Variants in SMCO4 observed in about 807,000 individuals in gnomAD.
SMCO4 encodes single-pass membrane and coiled-coil domain-containing protein 4.
A neutral mutation model predicts 3.6 loss-of-function variants in SMCO4; 4 were observed. The observed-to-expected ratio is 1.11, with a 90% CI of 0.54 to 2.53. SMCO4 has a LOEUF of 2.53. SMCO4 is among the 30% of genes most tolerant of loss of function. SMCO4 has a pLI of 0.02. For synonymous variants in SMCO4, 36 were observed against 35.3 expected, an observed-to-expected ratio of 1.02 and a Z score of -0.07; for missense variants, 70 against 80.8, an observed-to-expected ratio of 0.87 and a Z score of 0.51.
chr11:93,507,877 T>A (rs980892413), intron 1 of SMCO4, among the ~76,000 whole-genome samples: 6 of 152,300 alleles, frequency 3.9e-5, no homozygotes, highest in Admixed American at 3.9e-4. Flanking sequence ...TTTATGAGAC[T>A]CCAGCTGTCT....
At chr11:93,534,258 A>G (rs191270628) in intron 1 of SMCO4, among the ~76,000 whole-genome samples, 4,488 of 145,552 alleles carry the variant, frequency 0.031, 173 homozygotes, top group African/African-American at 0.062. Flanking sequence ...ACACACACAC[A>G]CACAAACACA....
chr11:93,538,216 C>A (rs1949244461), intron 1 of SMCO4, among the ~76,000 whole-genome samples: 1 of 152,224 alleles, frequency 6.6e-6, no homozygotes, highest in Admixed American at 6.5e-5. Flanking sequence ...GCAGAGACTG[C>A]ACCCGTCAGA....
At chr11:93,550,723 G>A in the SMCO4 span, among the ~76,000 whole-genome samples, 1 of 152,080 alleles carries the variant, frequency 6.6e-6, no homozygotes, top group East Asian at 1.9e-4. Context: ...ATGTGGCAGA[G>A]AAGAAAAAAC....
chr11:93,535,382 G>GA (rs536668795), intron 1 of SMCO4: 1 of 788,154 alleles, frequency 1.3e-6, no homozygotes, highest in Non-Finnish European at 2.0e-6. Context: ...TAACATCTAC[G>GA]ATCTCAGCAA....
At chr11:93,488,711 C>T (rs545908667) in intron 2 of SMCO4, among the ~76,000 whole-genome samples, 16 of 152,226 alleles carry the variant, frequency 1.1e-4, no homozygotes, top group Admixed American at 2.6e-4. Context: ...GAAAAGGCAG[C>T]TGGAGGCATG....
At chr11:93,519,981 G>C (rs542625600) in intron 1 of SMCO4, among the ~76,000 whole-genome samples, 1 of 152,104 alleles carries the variant, frequency 6.6e-6, no homozygotes, top group Non-Finnish European at 1.5e-5. Context: ...GCTACACTAC[G>C]AACATAAAAT....
At chr11:93,553,114 T>C in the SMCO4 span, among the ~76,000 whole-genome samples, 5 of 152,200 alleles carry the variant, frequency 3.3e-5, no homozygotes, top group Non-Finnish European at 5.9e-5. Context: ...GGTTCCAAAG[T>C]CCATTTCTGT....
chr11:93,548,528 G>A, the SMCO4 span, among the ~76,000 whole-genome samples: 1 of 152,010 alleles, frequency 6.6e-6, no homozygotes, highest in South Asian at 2.1e-4. Context: ...TACCTACTTG[G>A]CAGTCATTTA....
intron 2 of SMCO4, among the ~76,000 whole-genome samples, chr11:93,492,439 G>A (rs969545071): frequency 1.3e-5 from 2 of 152,212 alleles, no homozygotes; most frequent in African/African-American, 2.4e-5. Context: ...CTGGTCTCAT[G>A]GAATTCACAG....
intron 1 of SMCO4, among the ~76,000 whole-genome samples, chr11:93,538,475 C>A (rs1949246654): frequency 6.6e-6 from 1 of 152,196 alleles, no homozygotes; most frequent in Admixed American, 6.5e-5. Flanking sequence ...TAGCATTTCC[C>A]AAAATGCAGT....
chr11:93,549,592 G>A, the SMCO4 span, among the ~76,000 whole-genome samples: 1 of 150,974 alleles, frequency 6.6e-6, no homozygotes, highest in Non-Finnish European at 1.5e-5. Flanking sequence ...TGGACCACAG[G>A]CATGCACCAC....
At chr11:93,551,071 G>A in the SMCO4 span, among the ~76,000 whole-genome samples, 1 of 152,168 alleles carries the variant, frequency 6.6e-6, no homozygotes, top group Non-Finnish European at 1.5e-5. Flanking sequence ...CCTAGTACAT[G>A]CAGGCAATTT....
intron 1 of SMCO4, among the ~76,000 whole-genome samples, chr11:93,513,047 T>C (rs1429784283): frequency 6.6e-6 from 1 of 152,322 alleles, no homozygotes; most frequent in South Asian, 2.1e-4. Context: ...CCAGACTTTA[T>C]ACTATCCTAA....
upstream of SMCO4, among the ~76,000 whole-genome samples, chr11:93,544,636 CT>C (rs1013130481): frequency 4.6e-5 from 7 of 150,974 alleles, no homozygotes; most frequent in Non-Finnish European, 1.0e-4. Flanking sequence ...CAACTTAAGG[CT>C]TTTTTTTTCA....
intron 1 of SMCO4, among the ~76,000 whole-genome samples, chr11:93,542,103 T>C (rs1380510698): frequency 3.6e-5 from 2 of 55,354 alleles, no homozygotes; most frequent in Non-Finnish European, 7.5e-5. Context: ...ACAAAGTTTA[T>C]TTGTAAAGGG....
chr11:93,533,524 T>C (rs189584145), intron 1 of SMCO4, among the ~76,000 whole-genome samples: 1 of 152,236 alleles, frequency 6.6e-6, no homozygotes, highest in Admixed American at 6.5e-5. Context: ...CTGTGTAGCT[T>C]GAGGCAGACA....
rs141230765 is a variant in SMCO4 at position 93,479,129 on chromosome 11, G to T, written c.61C>A (p.Gln21Lys). ...ETSKDKKERKQAMQEARQQIT... is the reference protein window; with the variant it reads ...ETSKDKKERKKAMQEARQQIT... Reference sequence around the variant, plus strand: ...TGCTGCCGGGCCTCCTGCATGGCTTGCTTCCGCTCCTTCTTGTCCTTGGAG... The same window carrying T: ...TGCTGCCGGGCCTCCTGCATGGCTTTCTTCCGCTCCTTCTTGTCCTTGGAG... Residue 21 changes from glutamine (Q) to lysine (K), a missense_variant, in exon 3 of 3, where the codon CAA (glutamine) becomes AAA (lysine). Physicochemically the swap from Gln to Lys is moderately conservative, Grantham distance 53. Transcript: ENST00000298966. 3 of 1,614,074 alleles carry T rather than the reference G, an allele frequency of 1.9e-6. No homozygotes were observed. The highest frequency in any genetic ancestry group is 1.7e-6 in the Non-Finnish European group (2 of 1,180,036).
At chr11:93,495,933 G>A (rs1948767323) in intron 2 of SMCO4, among the ~76,000 whole-genome samples, 1 of 152,196 alleles carries the variant, frequency 6.6e-6, no homozygotes, top group African/African-American at 2.4e-5. Flanking sequence ...TTCCTAGGAA[G>A]TCAAGAGTGA....
At chr11:93,522,313 T>C (rs1949065383) in intron 1 of SMCO4, among the ~76,000 whole-genome samples, 1 of 152,152 alleles carries the variant, frequency 6.6e-6, no homozygotes, top group East Asian at 1.9e-4. Flanking sequence ...CAGATCTTGG[T>C]CTATAAAACA....
Sources: allele counts gnomAD v4.1 joint callset (sites outside exome capture counted in the v4.1 genomes callset), GRCh38; gene constraint gnomAD v4.1.1; transcripts MANE v1.5; gene names NCBI Gene and HGNC (gene_info 2026-07-23, HGNC 2026-07-21).